PTPN13: variants seen among roughly 807,000 people sequenced by gnomAD.
PTPN13 encodes the protein protein tyrosine phosphatase non-receptor type 13.
In PTPN13, 191 loss-of-function variants were observed where a neutral mutation model predicts 284.0. The observed-to-expected ratio is 0.67, with a 90% CI of 0.60 to 0.76. PTPN13 has a LOEUF of 0.76. Among genes scored for constraint, PTPN13 ranks in the 30% least tolerant of loss-of-function variants. PTPN13 has a pLI of 0.00. For missense variants in PTPN13, 2,797 were observed against 2,939.9 expected (o/e 0.95, Z 1.12); for synonymous variants, 986 against 1,022.3 (o/e 0.96, Z 0.68).
chr4:86,674,901 T>C (rs1728112860), intron 3 of PTPN13, among the ~76,000 whole-genome samples: 1 of 152,182 alleles, frequency 6.6e-6, no homozygotes, highest in African/African-American at 2.4e-5. Flanking sequence ...ATTCATTTAA[T>C]AATATTTTTA....
intron 2 of PTPN13, among the ~76,000 whole-genome samples, chr4:86,638,786 T>C (rs2148742199): frequency 6.6e-6 from 1 of 152,216 alleles, no homozygotes; most frequent in South Asian, 2.1e-4. Flanking sequence ...ACTTCATGTC[T>C]AAAACACCAA....
intron 40 of PTPN13, among the ~76,000 whole-genome samples, chr4:86,788,690 T>C (rs1010173557): frequency 2.6e-5 from 4 of 152,222 alleles, no homozygotes; most frequent in Non-Finnish European, 5.9e-5. Flanking sequence ...TAAATTATTG[T>C]CTACAGTTTC....
chr4:86,716,818 A>C (rs1314675783), intron 8 of PTPN13, among the ~76,000 whole-genome samples, 193 bp downstream of exon 8: 3 of 152,234 alleles, frequency 2.0e-5, no homozygotes, highest in Non-Finnish European at 2.9e-5. Context: ...ATAACGATGT[A>C]GTCCTTTTCA....
chr4:86,674,075 G>A (rs1728011630), intron 3 of PTPN13, among the ~76,000 whole-genome samples: 1 of 152,186 alleles, frequency 6.6e-6, no homozygotes, highest in South Asian at 2.1e-4. Flanking sequence ...GCATAATGAA[G>A]AAGTGAAGGT....
At position 86,745,345 on chromosome 4, in the gene PTPN13, C is replaced by T. The variant is rs192573984; in HGVS notation, c.2650+217C>T. Among the ~76,000 whole-genome samples, 7 of 152,262 alleles carry T rather than the reference C, an allele frequency of 4.6e-5. No individual in the cohort carries two copies. The East Asian group carries it at 7.7e-4, about 17-fold the overall frequency. On this transcript the variant is annotated intron_variant, in intron 17 of 47. Transcript: ENST00000411767. The stretch of plus-strand genomic sequence containing the variant: ...TCCTAGGGAGTACCTGTTGAAGTGT[C>T]CATTTTGTGCTTAGCAATGATAGGC...
intron 1 of PTPN13, among the ~76,000 whole-genome samples, chr4:86,617,570 C>A (rs1385439171): frequency 2.0e-5 from 3 of 152,118 alleles, no homozygotes; most frequent in African/African-American, 7.2e-5. Context: ...TGCTATCCCT[C>A]CCCCTTCCCC....
Position 86,753,053 on chromosome 4 carries a change from T to A in PTPN13, c.3211T>A (p.Leu1071Ile), listed in dbSNP as rs547171823. Residue 1071 changes from leucine (L) to isoleucine (I), a missense_variant, in exon 20 of 48, where the codon TTA (leucine) becomes ATA (isoleucine). Transcript: ENST00000411767. ...SSGNSSSQVP[L>I]KENDVLHKRW... is the part of the protein sequence containing the mutation. Reference sequence around the variant, plus strand: ...TGGAAACTCTTCATCCCAAGTACCCTTAAAAGAAAATGGTAGGTTTACAAA... The same window carrying A: ...TGGAAACTCTTCATCCCAAGTACCCATAAAAGAAAATGGTAGGTTTACAAA... 6.2e-7 allele frequency: 1 copy of A among 1,606,482 alleles called. No individual in the cohort carries two copies. The highest frequency in any genetic ancestry group is 2.2e-5 in the East Asian group (1 of 44,636).
chr4:86,768,775 A>G (rs6835886), intron 28 of PTPN13, among the ~76,000 whole-genome samples: 4,592 of 149,760 alleles, frequency 0.031, 236 homozygotes, highest in African/African-American at 0.11. Context: ...CAGTGGCGCA[A>G]TCTTGGCTCA....
At chr4:86,623,969 A>G (rs1369096599) in intron 1 of PTPN13, among the ~76,000 whole-genome samples, 1 of 152,112 alleles carries the variant, frequency 6.6e-6, no homozygotes, top group African/African-American at 2.4e-5. Flanking sequence ...TGTCTAGTTT[A>G]TTCACTCTTA....
At chr4:86,726,306 T>C (rs953299417) in intron 10 of PTPN13, among the ~76,000 whole-genome samples, 1 of 149,564 alleles carries the variant, frequency 6.7e-6, no homozygotes, top group African/African-American at 2.4e-5. Context: ...ATGTGGGCTC[T>C]TTTTTGGTTC....
At chr4:86,705,333 C>CAAAAAAAAAAAAAAAAAAAAAAAAAA (rs759784072) in intron 7 of PTPN13, among the ~76,000 whole-genome samples, 37 of 95,296 alleles carry the variant, frequency 3.9e-4, no homozygotes, top group African/African-American at 7.2e-4. Context: ...GACTCCGTCT[C>CAAAAAAAAAAAAAAAAAAAAAAAAAA]AAAAAAAAAA....
rs1362557347 is a variant in PTPN13, at chr4:86,685,680, G to A, written c.295-1030G>A. On this transcript the variant is annotated intron_variant, in intron 3 of 47. Transcript: ENST00000411767. ...TGGTCAATTTTTAGATTGGCAAAACGCCAAGTCTTTGTAATACCTCTATGG... is the reference window on the plus strand; with the variant it reads ...TGGTCAATTTTTAGATTGGCAAAACACCAAGTCTTTGTAATACCTCTATGG... Among the ~76,000 whole-genome samples, 3 of 152,198 alleles carry A rather than the reference G, an allele frequency of 2.0e-5. 1 individual carries two copies. The highest frequency in any genetic ancestry group is 7.2e-5 in the African/African-American group (3 of 41,456).
At chr4:86,744,928 C>T (rs1165924930) in intron 16 of PTPN13, 38 bp from the exon 17 acceptor site, 2 of 1,415,728 alleles carry the variant, frequency 1.4e-6, no homozygotes, top group Non-Finnish European at 9.7e-7. Flanking sequence ...AATATCTCTA[C>T]TTACTATAAT....
intron 12 of PTPN13, 35 bp downstream of exon 12, chr4:86,732,801 G>A (rs777627167): frequency 2.8e-5 from 43 of 1,553,026 alleles, no homozygotes; most frequent in Non-Finnish European, 3.8e-5. Context: ...GTACAGTATA[G>A]AAATTTAGCA....
intron 5 of PTPN13, among the ~76,000 whole-genome samples, chr4:86,692,765 TCA>T (rs1730161836): frequency 6.6e-6 from 1 of 152,176 alleles, no homozygotes; most frequent in South Asian, 2.1e-4. Context: ...TTGTTATCCC[TCA>T]GAGCGTCCAT....
intron 42 of PTPN13, among the ~76,000 whole-genome samples, chr4:86,799,727 A>G (rs1743779472): frequency 6.6e-6 from 1 of 151,806 alleles, no homozygotes; most frequent in Admixed American, 6.6e-5. Flanking sequence ...TAAAATTCTC[A>G]GTGGCTTGGA....
rs1470052528 is a variant in PTPN13 at position 86,735,684 on chromosome 4, C to A, written c.2242C>A (p.Pro748Thr). The A allele has an allele frequency of 6.2e-7, 1 of 1,613,246 alleles. No individual in the cohort carries two copies. ...TTTATCCTATATCAAAGAAGAGTTA[C>A]CCAAATTGCATAATACCTATGTGGG... ...LDLSYIKEEL[P>T]KLHNTYVGAS... The change falls in exon 15 of 48, where the codon CCC (proline) becomes ACC (threonine). Residue 748 changes from proline (P) to threonine (T), a missense_variant. Transcript: ENST00000411767.
chr4:86,809,150 T>G (rs1164010256), intron 45 of PTPN13, among the ~76,000 whole-genome samples: 2 of 152,008 alleles, frequency 1.3e-5, no homozygotes, highest in Non-Finnish European at 1.5e-5. Context: ...CCAGATTAGG[T>G]AGTGTTGCAG....
chr4:86,613,938 C>T (rs1169168660), intron 1 of PTPN13, among the ~76,000 whole-genome samples: 3 of 152,082 alleles, frequency 2.0e-5, no homozygotes, highest in Admixed American at 2.0e-4. Flanking sequence ...TATTGGAAGA[C>T]AGATTGTGCA....
Sources: allele counts gnomAD v4.1 joint callset (sites outside exome capture counted in the v4.1 genomes callset), GRCh38; gene constraint gnomAD v4.1.1; transcripts MANE v1.5; gene names NCBI Gene and HGNC (gene_info 2026-07-23, HGNC 2026-07-21).